DMXL1: variants seen among roughly 807,000 people sequenced by gnomAD.
DMXL1 encodes dmX-like protein 1.
In DMXL1, 99 loss-of-function variants were observed where a neutral mutation model predicts 319.2. The ratio of observed to expected loss-of-function variants is 0.31; its 90% CI spans 0.26 to 0.37. The LOEUF is 0.37. DMXL1 is among the 10% of genes least tolerant of loss of function. The pLI is 1.00. For missense variants in DMXL1, 3,745 were observed against 3,595.6 expected (o/e 1.04, Z -1.06); for synonymous variants, 1,385 against 1,235.2 (o/e 1.12, Z -2.54).
At chr5:119,143,692 A>C (rs1366807786) in intron 13 of DMXL1, 149 bp from the exon 14 acceptor site, 1 of 459,226 alleles carries the variant, frequency 2.2e-6, no homozygotes, top group Admixed American at 4.1e-5. Flanking sequence ...ATAAAGACTA[A>C]AGACCTAGAA....
At position 119,178,521 on chromosome 5, in the gene DMXL1, A is replaced by G. The variant is rs541440965; in HGVS notation, c.7135+277A>G. The stretch of plus-strand genomic sequence containing the variant: ...TTTCATTTGTTTTGAAACACACTGT[A>G]ATATTGGTTTTTGTTCTATCCCAAA... On this transcript the variant is annotated intron_variant, in intron 28 of 43. Transcript: ENST00000539542. 5 of 681,058 alleles carry G rather than the reference A, an allele frequency of 7.3e-6. No individual in the cohort carries two copies. The South Asian group carries it at 3.3e-4, about 45-fold the overall frequency. The allele number at this position is 681,058 out of a possible 1,614,324, so 42.2% of individuals were successfully genotyped here.
intron 1 of DMXL1, among the ~76,000 whole-genome samples, chr5:119,081,011 T>G (rs1034716007): frequency 2.0e-5 from 3 of 152,236 alleles, no homozygotes; most frequent in Non-Finnish European, 2.9e-5. Flanking sequence ...TTCCTATTTG[T>G]AGCCTATCTT....
chr5:119,124,263 C>T (rs1054442814), intron 9 of DMXL1, among the ~76,000 whole-genome samples: 2 of 149,330 alleles, frequency 1.3e-5, no homozygotes, highest in South Asian at 2.1e-4. Flanking sequence ...TGTAGTGAGC[C>T]GAGATTACAC....
intron 10 of DMXL1, chr5:119,132,869 A>T: frequency 1.8e-6 from 1 of 561,702 alleles, no homozygotes; most frequent in Non-Finnish European, 3.2e-6. Context: ...GCAAGGGCAA[A>T]AGTAGATAAG....
At chr5:119,085,385 C>G (rs1232586215) in intron 1 of DMXL1, among the ~76,000 whole-genome samples, 1 of 151,250 alleles carries the variant, frequency 6.6e-6, no homozygotes, top group Non-Finnish European at 1.5e-5. Flanking sequence ...ATAATTAATT[C>G]TGGATTTTTT....
intron 9 of DMXL1, among the ~76,000 whole-genome samples, chr5:119,125,571 G>GTTA (rs1464702165): frequency 3.3e-5 from 5 of 151,974 alleles, no homozygotes; most frequent in African/African-American, 1.2e-4. Flanking sequence ...TATTATTATT[G>GTTA]TTATTATTTT....
chr5:119,190,235 T>C (rs898901779), intron 29 of DMXL1, among the ~76,000 whole-genome samples: 1 of 152,250 alleles, frequency 6.6e-6, no homozygotes, highest in African/African-American at 2.4e-5. Context: ...ATTATCCATA[T>C]ACTCTTTTTT....
At chr5:119,222,110 A>T (rs908460300) in intron 37 of DMXL1, among the ~76,000 whole-genome samples, 4 of 152,152 alleles carry the variant, frequency 2.6e-5, no homozygotes, top group African/African-American at 7.2e-5. Flanking sequence ...AGTTATCTTT[A>T]ATAATACCTT....
intron 10 of DMXL1, 150 bp from the exon 11 acceptor site, chr5:119,132,982 G>C (rs1765260776): frequency 1.5e-6 from 1 of 671,416 alleles, no homozygotes; most frequent in Non-Finnish European, 2.5e-6. Context: ...AGATGTGTAG[G>C]GTGAGGTGTG....
chr5:119,135,364 G>A (rs1404145110), intron 13 of DMXL1, among the ~76,000 whole-genome samples: 1 of 152,152 alleles, frequency 6.6e-6, no homozygotes, highest in African/African-American at 2.4e-5. Flanking sequence ...GAATTGCCAA[G>A]TAAGTTGCTG....
intron 28 of DMXL1, among the ~76,000 whole-genome samples, chr5:119,188,186 C>A (rs139945887): frequency 1.3e-5 from 2 of 152,108 alleles, no homozygotes; most frequent in African/African-American, 4.8e-5. Flanking sequence ...ACATACTAAT[C>A]TTGGCAAAAA....
intron 1 of DMXL1, among the ~76,000 whole-genome samples, chr5:119,089,322 T>C (rs868334311): frequency 0.027 from 3,230 of 120,538 alleles, 108 homozygotes; most frequent in Non-Finnish European, 0.039. Flanking sequence ...TTTTTTTTTT[T>C]TGAGACAGAG....
At chr5:119,091,675 C>T (rs1754824666) in intron 1 of DMXL1, among the ~76,000 whole-genome samples, 1 of 152,174 alleles carries the variant, frequency 6.6e-6, no homozygotes. Context: ...AGTCCAGGTT[C>T]ACCTTGGCTC....
chr5:119,225,576 A>T (rs1477254072), intron 38 of DMXL1, among the ~76,000 whole-genome samples: 2 of 152,098 alleles, frequency 1.3e-5, no homozygotes, highest in Non-Finnish European at 2.9e-5. Flanking sequence ...AACTTTAGAA[A>T]CTTTTCTCTT....
In DMXL1 at chr5:119,133,177, A is replaced by C; in HGVS notation, c.1361A>C (p.Lys454Thr). 6.2e-7 allele frequency: 1 copy of C among 1,614,200 alleles called. No homozygotes were observed. Among genetic ancestry groups the C allele is most frequent in the Non-Finnish European group, 8.5e-7 (1 of 1,180,022 alleles). ...GATCTGAAAATAAATCCCGAAAAGAAGGAATTAGGCTGTGATAAAATGGTA... is the reference window on the plus strand; with the variant it reads ...GATCTGAAAATAAATCCCGAAAAGACGGAATTAGGCTGTGATAAAATGGTA... Reference protein sequence around the residue: ...VDDLKINPEKKELGCDKMVPN... With the variant: ...VDDLKINPEKTELGCDKMVPN... The change falls in exon 11 of 44, where the codon AAG becomes ACG. Residue 454 changes from lysine (K) to threonine (T), a missense_variant. Physicochemically the swap from Lys to Thr is moderately conservative, Grantham distance 78 (BLOSUM62 -1). This residue lies in a region of DMXL1 where 2,096 missense variants were observed against 1,985.4 expected (regional missense o/e 1.06). Coordinates refer to ENST00000539542, the MANE Select transcript of DMXL1 (RefSeq NM_001290321.3).
chr5:119,117,768 A>G (rs530800821), intron 7 of DMXL1, among the ~76,000 whole-genome samples: 8 of 151,192 alleles, frequency 5.3e-5, no homozygotes, highest in African/African-American at 1.9e-4. Flanking sequence ...GGGAAGGAGA[A>G]GGAGAGAGCA....
chr5:119,217,119 T>C (rs1035075726), intron 35 of DMXL1, 132 bp downstream of exon 35: 2 of 509,042 alleles, frequency 3.9e-6, no homozygotes, highest in Non-Finnish European at 6.8e-6. Context: ...CTGGATACTT[T>C]TTTAATTTTA....
At chr5:119,119,483 G>A (rs182467687) in intron 8 of DMXL1, among the ~76,000 whole-genome samples, 4 of 151,590 alleles carry the variant, frequency 2.6e-5, no homozygotes, top group Admixed American at 2.0e-4. Context: ...ACATTTGATC[G>A]TAGCCTAAAG....
In DMXL1 at chr5:119,167,590, T is replaced by TA; in HGVS notation, c.5137-13_5137-12insA. ...TGCTCCTGCTTATTTAAAAACAATA[T>TA]TTTTTTTTAAAGGTATGTCTTGAGA... is the stretch of plus-strand genomic sequence containing the variant. On this transcript the variant is annotated splice_polypyrimidine_tract_variant and intron_variant, in intron 22 of 43. Coordinates refer to ENST00000539542, the MANE Select transcript of DMXL1 (RefSeq NM_001290321.3). 1.3e-6 allele frequency: 2 copies of TA among 1,489,416 alleles called. No individual in the cohort carries two copies. Among genetic ancestry groups the TA allele is most frequent in the Non-Finnish European group, 1.8e-6 (2 of 1,103,732 alleles). The allele number at this position is 1,489,416 out of a possible 1,614,324, so 92.3% of individuals were successfully genotyped here.
Sources: gnomAD v4.1 joint callset for allele counts (sites outside exome capture counted in the v4.1 genomes callset) on GRCh38, gnomAD v4.1.1 for gene constraint, gnomAD v4.1.1 regional missense constraint, MANE v1.5 for transcripts, NCBI Gene and HGNC (gene_info 2026-07-23, HGNC 2026-07-21) for gene names.